The following PLEKHH1 variants were observed in gnomAD, a reference collection of about 807,000 sequenced individuals.
PLEKHH1 encodes the protein pleckstrin homology, MyTH4 and FERM domain containing H1, also known as pleckstrin homology domain-containing family H member 1.
PLEKHH1 carries 104 observed loss-of-function variants against 160.0 expected under a neutral mutation model. The ratio of observed to expected loss-of-function variants is 0.65; its 90% CI spans 0.55 to 0.76. The LOEUF is 0.76. Ranked by LOEUF, PLEKHH1 falls within the 30% of genes least tolerant of loss-of-function variation. PLEKHH1 has a pLI of 0.00. For missense variants in PLEKHH1, 1,427 were observed against 1,724.1 expected (o/e 0.83, Z 3.05); for synonymous variants, 619 against 678.4 (o/e 0.91, Z 1.36).
intron 11 of PLEKHH1, among the ~76,000 whole-genome samples, chr14:67,572,768 C>T (rs909635672): frequency 4.6e-5 from 7 of 152,144 alleles, no homozygotes; most frequent in South Asian, 4.1e-4. Flanking sequence ...GATGTAATTC[C>T]GCATCCCTCG....
intron 7 of PLEKHH1, among the ~76,000 whole-genome samples, chr14:67,564,813 C>T (rs565066883): frequency 1.5e-4 from 22 of 148,706 alleles, no homozygotes; most frequent in African/African-American, 2.5e-4. Context: ...CTCAGCCTCC[C>T]GAGTAGCTGG....
rs2035744669 is a variant in PLEKHH1, at chr14:67,578,699, A to G, written c.2849+68A>G. The G allele has an allele frequency of 5.9e-6, 6 of 1,009,706 alleles. No homozygotes were observed. The highest frequency in any genetic ancestry group is 9.2e-6 in the Non-Finnish European group (6 of 652,720). 62.5% of individuals were successfully genotyped at this position (1,009,706 alleles called of 1,614,324 possible). A position where few individuals can be genotyped will look rare whatever the true frequency, so the allele number is the denominator to read the frequency against. On this transcript the variant is annotated intron_variant, in intron 20 of 28. Transcript: ENST00000329153. This position sits in a 1 kb window ranked among gnomAD's most constrained non-coding sequence, Gnocchi z 5.0. ...AACTGCCGCATGAATAAGAGGGATG[A>G]GAGGAGTCTAGGGCAGACCAGATCA...
intron 8 of PLEKHH1, 59 bp from the exon 9 acceptor site, chr14:67,569,862 C>A (rs1311307066): frequency 7.2e-6 from 8 of 1,109,758 alleles, no homozygotes; most frequent in African/African-American, 1.5e-5. Flanking sequence ...CTCTGCTTCC[C>A]CCACACCCCT....
chr14:67,542,838 C>T (rs890331719), intron 2 of PLEKHH1, among the ~76,000 whole-genome samples: 1 of 152,134 alleles, frequency 6.6e-6, no homozygotes. Flanking sequence ...GTAGCTGGGA[C>T]TACAGGCATG....
intron 7 of PLEKHH1, among the ~76,000 whole-genome samples, chr14:67,567,247 G>A (rs1365185032): frequency 6.6e-6 from 1 of 152,146 alleles, no homozygotes; most frequent in African/African-American, 2.4e-5. Context: ...GGAGGGCGGT[G>A]GGGGAATGAA....
At chr14:67,580,113 T>G in intron 22 of PLEKHH1, 3 of 465,740 alleles carry the variant, frequency 6.4e-6, no homozygotes, top group Non-Finnish European at 7.8e-6. Context: ...TTCCCTCGAG[T>G]GGCTGTGCAG....
chr14:67,572,171 A>G lies in PLEKHH1; in HGVS notation c.1622A>G (p.Tyr541Cys), dbSNP rs762103151. ...SMSSLSSEGD[Y>C]AIPPDACSLD... Reference sequence around the variant, plus strand: ...TCCTCACTGAGCTCCGAGGGTGACTACGCCATCCCCCCGGACGCCTGCTCA... The same window carrying G: ...TCCTCACTGAGCTCCGAGGGTGACTGCGCCATCCCCCCGGACGCCTGCTCA... The change falls in exon 11 of 29, where the codon TAC becomes TGC. Residue 541 changes from tyrosine to cysteine, a missense_variant. Coordinates refer to ENST00000329153, the MANE Select transcript of PLEKHH1 (RefSeq NM_020715.3). 6.2e-7 allele frequency: 1 copy of G among 1,607,746 alleles called. No homozygotes were observed. The highest frequency in any genetic ancestry group is 2.2e-5 in the East Asian group (1 of 44,608).
At chr14:67,556,220 G>A (rs965139841) in intron 3 of PLEKHH1, among the ~76,000 whole-genome samples, 4 of 152,222 alleles carry the variant, frequency 2.6e-5, no homozygotes, top group African/African-American at 9.6e-5. Flanking sequence ...CAGGAATCCA[G>A]GTTAAAGGAG....
rs1394318747 is a variant in PLEKHH1 at position 67,588,629 on chromosome 14, GAA to G, written c.*1396_*1397del. 3.9e-5 allele frequency: 6 copies of G among 152,176 alleles called. No individual in the cohort carries two copies. The East Asian group carries it at 1.2e-3, about 30-fold the overall frequency. 9.4% of individuals were successfully genotyped at this position (152,176 alleles called of 1,614,324 possible). A position where few individuals can be genotyped will look rare whatever the true frequency, so the allele number is the denominator to read the frequency against. The stretch of plus-strand genomic sequence containing the variant: ...CACCCTCCCCTAACAAAAACAAAAC[GAA>G]AGAGTTCATACTCTGATTTTCCAAC... On this transcript the variant is annotated 3_prime_UTR_variant, in exon 29 of 29. Transcript: ENST00000329153.
intron 28 of PLEKHH1, chr14:67,586,545 G>A: frequency 4.8e-6 from 3 of 627,190 alleles, no homozygotes; most frequent in Non-Finnish European, 7.7e-6. Context: ...CTTGTTGTGG[G>A]GAAGACCGCA....
chr14:67,536,580 G>A lies in PLEKHH1; in HGVS notation c.-35+3182G>A, dbSNP rs982477074. ...GCAATGAGCTATTTTGAGGCCTGTGGTGACCTCTGACCTCTTTCTTTTAGG... is the reference window on the plus strand; with the variant it reads ...GCAATGAGCTATTTTGAGGCCTGTGATGACCTCTGACCTCTTTCTTTTAGG... On this transcript the variant is annotated intron_variant, in intron 1 of 28. Coordinates refer to ENST00000329153, the MANE Select transcript of PLEKHH1 (RefSeq NM_020715.3). Among the ~76,000 whole-genome samples the A allele has an allele frequency of 7.9e-5, 12 of 151,786 alleles. 1 individual carries two copies. Among genetic ancestry groups the A allele is most frequent in the African/African-American group, 2.7e-4 (11 of 41,056 alleles).
In PLEKHH1 at chr14:67,583,765, C is replaced by A. The variant is rs370025777; in HGVS notation, c.3451C>A (p.Pro1151Thr). The change falls in exon 25 of 29, where the codon CCT (proline) becomes ACT (threonine). Residue 1151 changes from proline to threonine, a missense_variant. This residue lies in a region of PLEKHH1 where 436 missense variants were observed against 607.5 expected (regional missense o/e 0.72). Transcript: ENST00000329153. ...GGTAGAATATGGGGACTTGGAGAAG[C>A]CTGCCCTGCCAGGCCCTGGAGGCAC... ...AQVEYGDLEK[P>T]ALPGPGGTSP... 3 of 1,611,608 alleles carry A rather than the reference C, an allele frequency of 1.9e-6. No individual in the cohort carries two copies. Among genetic ancestry groups the A allele is most frequent in the Non-Finnish European group, 2.5e-6 (3 of 1,178,966 alleles).
Position 67,573,238 on chromosome 14 carries a change from A to T in PLEKHH1, c.1729-38A>T. ...GTGTGATGTCTAGGAGCCCTGAGTG[A>T]TTTCCCCTTTCTTCATCTACACCCT... is the stretch of plus-strand genomic sequence containing the variant. On this transcript the variant is annotated intron_variant, in intron 11 of 28. Coordinates refer to ENST00000329153, the MANE Select transcript of PLEKHH1 (RefSeq NM_020715.3). This position sits in a 1 kb window ranked among gnomAD's most constrained non-coding sequence, Gnocchi z 4.8. 7.5e-7 allele frequency: 1 copy of T among 1,325,584 alleles called. No individual in the cohort carries two copies. The highest frequency in any genetic ancestry group is 1.4e-5 in the African/African-American group (1 of 69,526). 82.1% of individuals were successfully genotyped at this position (1,325,584 alleles called of 1,614,324 possible). A position where few individuals can be genotyped will look rare whatever the true frequency, so the allele number is the denominator to read the frequency against.
At chr14:67,538,312 A>G (rs1018416377) in intron 1 of PLEKHH1, among the ~76,000 whole-genome samples, 6 of 152,028 alleles carry the variant, frequency 3.9e-5, no homozygotes, top group Non-Finnish European at 8.8e-5. Context: ...CAGTTCTGCT[A>G]CTCCTTAGCT....
rs2033975894 is a variant in PLEKHH1, at chr14:67,541,830, T to C, written c.-34-4T>C. ...TTTTCCTCTTTCTGCATGCTGGTTCTTAGGGCTCCCCAGAATAATCCAGAA... is the reference window on the plus strand; with the variant it reads ...TTTTCCTCTTTCTGCATGCTGGTTCCTAGGGCTCCCCAGAATAATCCAGAA... On this transcript the variant is annotated splice_region_variant and splice_polypyrimidine_tract_variant and intron_variant, in intron 1 of 28. Coordinates refer to ENST00000329153, the MANE Select transcript of PLEKHH1 (RefSeq NM_020715.3). 6.5e-7 allele frequency: 1 copy of C among 1,540,544 alleles called. No homozygotes were observed. Among genetic ancestry groups the C allele is most frequent in the African/African-American group, 1.4e-5 (1 of 71,896 alleles).
intron 3 of PLEKHH1, among the ~76,000 whole-genome samples, chr14:67,557,044 TACTA>T (rs887975364): frequency 1.2e-4 from 19 of 152,342 alleles, no homozygotes; most frequent in African/African-American, 3.1e-4. Context: ...ATCTCTCCAT[TACTA>T]ACTATGACCT....
intron 2 of PLEKHH1, among the ~76,000 whole-genome samples, chr14:67,542,718 G>C (rs775834061): frequency 6.6e-6 from 1 of 151,674 alleles, no homozygotes; most frequent in Non-Finnish European, 1.5e-5. Flanking sequence ...TTCATTTATT[G>C]AGATGGAGTT....
Position 67,555,998 on chromosome 14 carries a change from T to C in PLEKHH1, c.189+111T>C, listed in dbSNP as rs1045088114. The C allele has an allele frequency of 3.6e-6, 5 of 1,376,984 alleles. No homozygotes were observed. The Admixed American group carries it at 6.1e-5, about 17-fold the overall frequency. The allele number at this position is 1,376,984 out of a possible 1,614,324, so 85.3% of individuals were successfully genotyped here. A position where few individuals can be genotyped will look rare whatever the true frequency, so the allele number is the denominator to read the frequency against. ...ATACATCACCAGCAGTACTGTGTTATACCTGAACAAATGAGTGTGCGTGGA... is the reference window on the plus strand; with the variant it reads ...ATACATCACCAGCAGTACTGTGTTACACCTGAACAAATGAGTGTGCGTGGA... On this transcript the variant is annotated intron_variant, in intron 3 of 28. Coordinates refer to ENST00000329153, the MANE Select transcript of PLEKHH1 (RefSeq NM_020715.3).
chr14:67,544,845 T>A (rs923219912), intron 2 of PLEKHH1, among the ~76,000 whole-genome samples: 5 of 152,200 alleles, frequency 3.3e-5, no homozygotes, highest in African/African-American at 7.2e-5. Flanking sequence ...GAAATACAAA[T>A]ACAGCAGTTG....
Sources: gnomAD v4.1 joint callset for allele counts (sites outside exome capture counted in the v4.1 genomes callset) on GRCh38, gnomAD v4.1.1 for gene constraint, gnomAD v4.1.1 regional missense constraint, Gnocchi (gnomAD v3.1) non-coding constraint, MANE v1.5 for transcripts, NCBI Gene and HGNC (gene_info 2026-07-23, HGNC 2026-07-21) for gene names.